Variants in RARB observed in about 807,000 individuals in gnomAD.
RARB encodes the protein retinoic acid receptor beta, also known as HBV-activated protein.
Under a neutral mutation model 51.9 loss-of-function variants are expected in RARB, and 17 were observed. That is an observed-to-expected ratio of 0.33 (90% CI 0.22 to 0.49). RARB has a LOEUF of 0.49. Ranked by LOEUF, RARB falls within the 20% of genes least tolerant of loss-of-function variation. The probability of loss-of-function intolerance (pLI) is 0.99; values close to 1 mark genes in which losing one functional copy is unlikely to be tolerated. For missense variants in RARB, 369 were observed against 550.8 expected (o/e 0.67, Z 3.30); for synonymous variants, 215 against 195.4 (o/e 1.10, Z -0.84).
At chr3:25,073,584 C>G (rs1434837094) in intron 3 of RARB, among the ~76,000 whole-genome samples, 1 of 152,204 alleles carries the variant, frequency 6.6e-6, no homozygotes, top group Non-Finnish European at 1.5e-5. Context: ...AAGCATTTCT[C>G]AAACTCATCT....
intron 3 of RARB, among the ~76,000 whole-genome samples, chr3:25,523,588 G>T (rs575777575): frequency 9.2e-5 from 14 of 152,224 alleles, no homozygotes; most frequent in Admixed American, 8.5e-4. Flanking sequence ...TTTGGAGAGG[G>T]GTTTTTCACC....
At chr3:25,293,169 T>A (rs965723793) in intron 5 of RARB, among the ~76,000 whole-genome samples, 2 of 152,180 alleles carry the variant, frequency 1.3e-5, no homozygotes, top group Non-Finnish European at 2.9e-5. Context: ...ATCTGTATTC[T>A]GATACGTTAC....
At chr3:25,526,991 T>C (rs1380814023) in intron 3 of RARB, among the ~76,000 whole-genome samples, 1 of 152,116 alleles carries the variant, frequency 6.6e-6, no homozygotes, top group Non-Finnish European at 1.5e-5. Flanking sequence ...GGCAGGTGTA[T>C]GTTTATGTGT....
chr3:25,006,809 G>A (rs556665976), intron 2 of RARB, among the ~76,000 whole-genome samples: 1 of 152,186 alleles, frequency 6.6e-6, no homozygotes, highest in East Asian at 1.9e-4. Flanking sequence ...GTCCTGTTTG[G>A]GATGTTGCTG....
In RARB at chr3:25,155,256, A is replaced by G. The variant is rs146996536; in HGVS notation, c.-279-18863A>G. 6.6e-3 allele frequency among the ~76,000 whole-genome samples: 1,005 copies of G among 152,088 alleles called. 3 individuals carry two copies. Among genetic ancestry groups the G allele is most frequent in the Non-Finnish European group, 0.011 (741 of 68,000 alleles). ...TTTCTGCTTTCCTGCCATGAAAGTG[A>G]TCACCCTCCCTTTTAGAACTAATTC... On this transcript the variant is annotated intron_variant, in intron 4 of 11. Transcript: ENST00000383772.
intron 1 of RARB, among the ~76,000 whole-genome samples, chr3:25,448,213 T>C (rs557810086): frequency 6.6e-6 from 1 of 152,080 alleles, no homozygotes; most frequent in South Asian, 2.1e-4. Context: ...CCTATAAAGG[T>C]GGACAAGTTT....
chr3:24,916,900 A>G (rs2125383839), intron 2 of RARB, among the ~76,000 whole-genome samples: 1 of 152,346 alleles, frequency 6.6e-6, no homozygotes, highest in African/African-American at 2.4e-5. Context: ...GAAACTTAGG[A>G]AAAACATGGA....
intron 3 of RARB, among the ~76,000 whole-genome samples, chr3:25,525,694 G>A (rs941815209): frequency 1.3e-5 from 2 of 152,204 alleles, no homozygotes; most frequent in Admixed American, 6.5e-5. Flanking sequence ...TACATAAATA[G>A]AAGGTGGTCA....
At chr3:25,519,973 T>A (rs1026055939) in intron 3 of RARB, among the ~76,000 whole-genome samples, 1 of 152,212 alleles carries the variant, frequency 6.6e-6, no homozygotes, top group Admixed American at 6.5e-5. Context: ...TTCACCTCAG[T>A]GTAAAAGACC....
intron 5 of RARB, among the ~76,000 whole-genome samples, chr3:25,336,737 A>G (rs1328252501): frequency 3.3e-5 from 5 of 152,174 alleles, no homozygotes; most frequent in South Asian, 4.1e-4. Flanking sequence ...TTTAGTGCCA[A>G]TTACCTAAAG....
intron 2 of RARB, among the ~76,000 whole-genome samples, chr3:24,883,067 C>T (rs1478280662): frequency 6.6e-6 from 1 of 152,178 alleles, no homozygotes; most frequent in African/African-American, 2.4e-5. Flanking sequence ...AGCCTTTCTC[C>T]TTGTGACATT....
chr3:25,005,558 G>C (rs548988270), intron 2 of RARB, among the ~76,000 whole-genome samples: 34 of 152,238 alleles, frequency 2.2e-4, no homozygotes, highest in Admixed American at 2.2e-3. Context: ...GGCTTCCCAA[G>C]AGCAAATGAC....
At chr3:25,230,604 C>G (rs1575237908) in intron 5 of RARB, among the ~76,000 whole-genome samples, 2 of 151,932 alleles carry the variant, frequency 1.3e-5, no homozygotes, top group East Asian at 1.9e-4. Context: ...CACGATGTGT[C>G]AGGCATTCTT....
chr3:24,925,030 T>G (rs1229942407), intron 2 of RARB, among the ~76,000 whole-genome samples: 1 of 152,114 alleles, frequency 6.6e-6, no homozygotes, highest in South Asian at 2.1e-4. Flanking sequence ...TCACCCAATA[T>G]TCTTTGGCAC....
intron 5 of RARB, among the ~76,000 whole-genome samples, chr3:25,397,835 T>C (rs1336227577): frequency 3.3e-5 from 5 of 152,042 alleles, no homozygotes; most frequent in Admixed American, 3.3e-4. Context: ...CACAGTCCTT[T>C]TCCAGCTCAA....
intron 2 of RARB, among the ~76,000 whole-genome samples, chr3:24,908,499 A>G (rs936190875): frequency 1.3e-5 from 2 of 152,142 alleles, no homozygotes; most frequent in South Asian, 2.1e-4. Flanking sequence ...TAATACTTGC[A>G]TGCAGCTTAG....
At chr3:25,513,751 G>T (rs1445943608) in intron 3 of RARB, among the ~76,000 whole-genome samples, 1 of 147,920 alleles carries the variant, frequency 6.8e-6, no homozygotes. Context: ...AGGGAAAACG[G>T]TGCCTATTAA....
intron 5 of RARB, among the ~76,000 whole-genome samples, chr3:25,343,456 C>CTT (rs141171552): frequency 0.13 from 19,206 of 146,480 alleles, 1,288 homozygotes; most frequent in South Asian, 0.2. Context: ...TCATTTCTGG[C>CTT]TTTTTTTTTT....
At chr3:24,857,299 T>A in intron 1 of RARB, among the ~76,000 whole-genome samples, 1 of 152,184 alleles carries the variant, frequency 6.6e-6, no homozygotes, top group East Asian at 1.9e-4. Context: ...AGTTTTTAAG[T>A]ATTTCTGTCT....
Sources: gnomAD v4.1 joint callset for allele counts (sites outside exome capture counted in the v4.1 genomes callset) on GRCh38, gnomAD v4.1.1 for gene constraint, MANE v1.5 for transcripts, NCBI Gene and HGNC (gene_info 2026-07-23, HGNC 2026-07-21) for gene names.